LRPPRC: variants seen among roughly 807,000 people sequenced by gnomAD.
LRPPRC encodes the protein leucine-rich PPR motif-containing protein, mitochondrial.
LRPPRC carries 120 observed loss-of-function variants against 180.3 expected under a neutral mutation model. The ratio of observed to expected loss-of-function variants is 0.67; its 90% CI spans 0.57 to 0.77. LRPPRC has a LOEUF of 0.77. Ranked by LOEUF, LRPPRC falls within the 30% of genes least tolerant of loss-of-function variation. The pLI is 0.00. For synonymous variants in LRPPRC, 723 were observed against 600.0 expected (o/e 1.21, Z -3.00); for missense variants, 2,012 against 1,657.2 (o/e 1.21, Z -3.72).
At chr2:43,912,606 T>A in intron 29 of LRPPRC, 48 bp from the exon 30 acceptor site, 2 of 1,553,196 alleles carry the variant, frequency 1.3e-6, no homozygotes. Context: ...TATTCTGAAA[T>A]GCCAAAAGGA....
At position 43,957,285 on chromosome 2, in the gene LRPPRC, A is replaced by T; in HGVS notation, c.1649+100T>A. ...TTTCAGGTAAACTGAATGTACACTG[A>T]AAGATAAGAATATTTGTATTTTTCC... On this transcript the variant is annotated intron_variant, in intron 14 of 37. Coordinates refer to ENST00000260665, the MANE Select transcript of LRPPRC (RefSeq NM_133259.4). 3.5e-6 allele frequency: 3 copies of T among 858,164 alleles called. No individual in the cohort carries two copies. In the Admixed American group the frequency reaches 5.4e-5, roughly 15 times the overall value. The allele number at this position is 858,164 out of a possible 1,614,324, so 53.2% of individuals were successfully genotyped here. A position where few individuals can be genotyped will look rare whatever the true frequency, so the allele number is the denominator to read the frequency against.
intron 23 of LRPPRC, among the ~76,000 whole-genome samples, chr2:43,938,107 C>G (rs1009529739): frequency 6.6e-6 from 1 of 151,956 alleles, no homozygotes; most frequent in Non-Finnish European, 1.5e-5. Context: ...TAAAGGCTCA[C>G]TCCTAATAAA....
chr2:43,916,944 C>CT (rs1247155430), intron 29 of LRPPRC, among the ~76,000 whole-genome samples: 1 of 61,638 alleles, frequency 1.6e-5, no homozygotes, highest in African/African-American at 9.9e-5. Context: ...GACCTGTCTC[C>CT]GGGGGGAAAA....
intron 16 of LRPPRC, among the ~76,000 whole-genome samples, chr2:43,948,982 T>A (rs1180023167): frequency 6.6e-5 from 10 of 152,148 alleles, no homozygotes; most frequent in African/African-American, 9.7e-5. Context: ...GCAGATACAG[T>A]AATCCTGTGG....
In LRPPRC at chr2:43,925,796, C is replaced by A. The variant is rs1416478545; in HGVS notation, c.2805+97G>T. On this transcript the variant is annotated intron_variant, in intron 26 of 37. Transcript: ENST00000260665. The stretch of plus-strand genomic sequence containing the variant: ...AGATAAACACTGCTTCCACAATGCC[C>A]TGTCTCTCGAAGTCCCCAAATCTTC... 3.7e-6 allele frequency: 3 copies of A among 810,138 alleles called. No homozygotes were observed. In the African/African-American group the frequency reaches 5.0e-5, roughly 14 times the overall value. 50.2% of individuals were successfully genotyped at this position (810,138 alleles called of 1,614,324 possible).
chr2:43,909,899 A>G (rs923329891), intron 30 of LRPPRC, among the ~76,000 whole-genome samples: 8 of 152,170 alleles, frequency 5.3e-5, no homozygotes, highest in Non-Finnish European at 4.4e-5. Flanking sequence ...ACTATCTTCC[A>G]GGTCAGCAGT....
At chr2:43,893,817 AGAACTGACTTACTAATTCT>A (rs1033379724) in intron 36 of LRPPRC, among the ~76,000 whole-genome samples, 12 of 152,184 alleles carry the variant, frequency 7.9e-5, no homozygotes, top group Admixed American at 2.0e-4. Flanking sequence ...ACGGAAAAAG[AGAACTGACTTACTAATTCT>A]GATTCTTGAG....
chr2:43,975,742 C>A (rs1674027396), intron 6 of LRPPRC, among the ~76,000 whole-genome samples: 1 of 152,008 alleles, frequency 6.6e-6, no homozygotes, highest in Admixed American at 6.6e-5. Flanking sequence ...GCCATCATGC[C>A]CGGCTAAATT....
chr2:43,912,411 A>G, intron 30 of LRPPRC, 21 bp downstream of exon 30: 2 of 1,602,878 alleles, frequency 1.2e-6, no homozygotes, highest in Non-Finnish European at 1.7e-6. Flanking sequence ...CAAGAGGTTT[A>G]ATAAATGGAC....
intron 29 of LRPPRC, among the ~76,000 whole-genome samples, chr2:43,915,484 G>A (rs1417167670): frequency 6.6e-6 from 1 of 151,686 alleles, no homozygotes; most frequent in Non-Finnish European, 1.5e-5. Context: ...AGGAATTTGA[G>A]ATCAGCCTGG....
chr2:43,935,788 T>C (rs1230804591), intron 23 of LRPPRC, among the ~76,000 whole-genome samples: 1 of 152,110 alleles, frequency 6.6e-6, no homozygotes, highest in Non-Finnish European at 1.5e-5. Flanking sequence ...AAAAATAAAA[T>C]AAAAGGACAA....
chr2:43,954,894 G>A (rs991282880), intron 14 of LRPPRC, among the ~76,000 whole-genome samples: 1 of 152,100 alleles, frequency 6.6e-6, no homozygotes, highest in Admixed American at 6.5e-5. Flanking sequence ...GAAAAAGAAA[G>A]ATGAGTAGTA....
intron 27 of LRPPRC, among the ~76,000 whole-genome samples, chr2:43,924,227 A>T (rs567002940): frequency 6.6e-6 from 1 of 152,336 alleles, no homozygotes; most frequent in East Asian, 1.9e-4. Flanking sequence ...CCATGAAACA[A>T]ATAGGGAAAG....
chr2:43,902,974 G>A (rs1329904695), intron 31 of LRPPRC: 2 of 152,166 alleles, frequency 1.3e-5, no homozygotes. Flanking sequence ...CAATTTTACA[G>A]ATGAGACCCC....
intron 35 of LRPPRC, 91 bp downstream of exon 35, chr2:43,896,543 T>A (rs1314708391): frequency 4.7e-6 from 4 of 848,768 alleles, no homozygotes; most frequent in Admixed American, 1.8e-5. Flanking sequence ...TCAAATAAGG[T>A]CCTGAAACAA....
intron 7 of LRPPRC, 138 bp downstream of exon 7, chr2:43,974,953 A>G (rs1673986195): frequency 1.0e-6 from 1 of 978,826 alleles, no homozygotes; most frequent in South Asian, 1.4e-5. Flanking sequence ...AAACTATAAT[A>G]ATTCTCCATA....
intron 1 of LRPPRC, among the ~76,000 whole-genome samples, chr2:43,987,035 C>T (rs1674556196): frequency 6.6e-6 from 1 of 152,146 alleles, no homozygotes; most frequent in African/African-American, 2.4e-5. Flanking sequence ...TTTCTTTAGC[C>T]TGTTGATACG....
At position 43,975,135 on chromosome 2, in the gene LRPPRC, A is replaced by G; in HGVS notation, c.820T>C (p.Leu274=). The G allele has an allele frequency of 1.2e-6, 2 of 1,612,960 alleles. No homozygotes were observed. The highest frequency in any genetic ancestry group is 1.7e-6 in the Non-Finnish European group (2 of 1,179,208). The change falls in exon 7 of 38, where the codon TTG becomes CTG. Residue 274 remains leucine (L), a synonymous_variant. Coordinates refer to ENST00000260665, the MANE Select transcript of LRPPRC (RefSeq NM_133259.4). ...EPGPDTYLAL[L]NAYAEKGDID... is the part of the protein sequence containing the mutation. ...TCGCCCTTCTCAGCATATGCATTCA[A>G]TAATGCGAGGTATGTGTCTGGACCA...
chr2:43,976,383 G>T (rs1239657581), intron 5 of LRPPRC, among the ~76,000 whole-genome samples, 154 bp from the exon 6 acceptor site: 1 of 151,982 alleles, frequency 6.6e-6, no homozygotes, highest in African/African-American at 2.4e-5. Flanking sequence ...TAATCCCTTT[G>T]ATCCCCTTCC....
Sources: gnomAD v4.1 joint callset for allele counts (sites outside exome capture counted in the v4.1 genomes callset) on GRCh38, gnomAD v4.1.1 for gene constraint, MANE v1.5 for transcripts, NCBI Gene and HGNC (gene_info 2026-07-23, HGNC 2026-07-21) for gene names.